SLC46A3: variants seen among roughly 807,000 people sequenced by gnomAD.
SLC46A3 encodes solute carrier family 46 member 3.
A neutral mutation model predicts 38.5 loss-of-function variants in SLC46A3; 26 were observed. That is an observed-to-expected ratio of 0.68 (90% CI 0.49 to 0.94). The LOEUF is 0.94. SLC46A3 is among the 40% of genes least tolerant of loss of function. The probability of loss-of-function intolerance (pLI) is 0.00; values close to 1 mark genes in which losing one functional copy is unlikely to be tolerated. For synonymous variants in SLC46A3, 185 were observed against 192.5 expected (o/e 0.96, Z 0.32); for missense variants, 510 against 544.3 (o/e 0.94, Z 0.63).
rs754953197 is a variant in SLC46A3, at chr13:28,717,980, C to A, written c.19G>T (p.Glu7Ter). The part of the protein sequence containing the change: MKILFV[E>*]PAIFLSAFAM... Reference sequence around the variant, plus strand: ...AATGCACTAAGGAAAATGGCAGGTTCTACAAATAAAATCTTCATATTGCCT... The same window carrying A: ...AATGCACTAAGGAAAATGGCAGGTTATACAAATAAAATCTTCATATTGCCT... The change falls in exon 2 of 6, where the codon GAA (glutamate) becomes TAA (stop). Residue 7 changes from glutamate to a stop codon, truncating the protein, a stop_gained. Coordinates refer to ENST00000266943, the MANE Select transcript of SLC46A3 (RefSeq NM_181785.4). LOFTEE classifies it high-confidence loss of function. 1 of 1,611,948 alleles carries A rather than the reference C, an allele frequency of 6.2e-7. No individual in the cohort carries two copies. The highest frequency in any genetic ancestry group is 1.1e-5 in the South Asian group (1 of 90,308).
In SLC46A3 at chr13:28,713,102, T is replaced by C. The variant is rs1566123382; in HGVS notation, c.638A>G (p.Tyr213Cys). ...TGGATCTCCGAGAAAAAATAAAATA[T>C]AGATCAAATTAACAGCAAGAGACAC... ...IAVSLAVNLI[Y>C]ILFFLGDPVK... is the part of the protein sequence containing the mutation. The change falls in exon 3 of 6, where the codon TAT becomes TGT. Residue 213 changes from tyrosine to cysteine, a missense_variant. By Grantham distance (194) the Tyr-to-Cys change is radical. Transcript: ENST00000266943. 1 of 1,612,056 alleles carries C rather than the reference T, an allele frequency of 6.2e-7. No homozygotes were observed. The highest frequency in any genetic ancestry group is 8.5e-7 in the Non-Finnish European group (1 of 1,179,602).
intron 5 of SLC46A3, among the ~76,000 whole-genome samples, chr13:28,703,043 G>C (rs185890322): frequency 6.6e-6 from 1 of 152,180 alleles, no homozygotes; most frequent in Admixed American, 6.5e-5. Flanking sequence ...CATTCATCTA[G>C]TTGGCTCACA....
intron 2 of SLC46A3, among the ~76,000 whole-genome samples, chr13:28,715,286 G>A (rs78292682): frequency 6.6e-6 from 1 of 152,170 alleles, no homozygotes; most frequent in African/African-American, 2.4e-5. Flanking sequence ...TTGAAAATTC[G>A]GCAAAAATCT....
Position 28,701,281 on chromosome 13 carries a change from C to G in SLC46A3, c.*216G>C. ...TATTTGAAATTTGTTCTGTGTATTG[C>G]AAGTATATTGCATGATACGCACAAA... On this transcript the variant is annotated 3_prime_UTR_variant, in exon 6 of 6. Coordinates refer to ENST00000266943, the MANE Select transcript of SLC46A3 (RefSeq NM_181785.4). The G allele has an allele frequency of 7.1e-7, 1 of 1,409,106 alleles. No individual in the cohort carries two copies. The highest frequency in any genetic ancestry group is 1.7e-5 in the South Asian group (1 of 58,918). The allele number at this position is 1,409,106 out of a possible 1,614,324, so 87.3% of individuals were successfully genotyped here.
chr13:28,715,531 AAAG>A (rs1885505168), intron 2 of SLC46A3, among the ~76,000 whole-genome samples: 1 of 152,262 alleles, frequency 6.6e-6, no homozygotes, highest in Non-Finnish European at 1.5e-5. Context: ...AGGTCAGCCA[AAAG>A]AAAGCACAGA....
chr13:28,717,939 G>T lies in SLC46A3; in HGVS notation c.60C>A (p.Thr20=). Residue 20 remains threonine, a synonymous_variant, in exon 2 of 6, where the codon ACC becomes ACA. Coordinates refer to ENST00000266943, the MANE Select transcript of SLC46A3 (RefSeq NM_181785.4). The part of the protein sequence containing the change: ...IFLSAFAMTL[T]GPLTTQYVYR... ...AAACATATTGCGTTGTCAGTGGACCGGTCAAAGTCATAGCAAATGCACTAA... is the reference window on the plus strand; with the variant it reads ...AAACATATTGCGTTGTCAGTGGACCTGTCAAAGTCATAGCAAATGCACTAA... 2 of 1,613,904 alleles carry T rather than the reference G, an allele frequency of 1.2e-6. No individual in the cohort carries two copies. Among genetic ancestry groups the T allele is most frequent in the Non-Finnish European group, 1.7e-6 (2 of 1,179,982 alleles).
At chr13:28,702,545 A>G (rs1213869593) in intron 5 of SLC46A3, among the ~76,000 whole-genome samples, 1 of 152,202 alleles carries the variant, frequency 6.6e-6, no homozygotes, top group Non-Finnish European at 1.5e-5. Flanking sequence ...GAATAGTACT[A>G]TTATCAACAA....
chr13:28,713,623 T>C (rs2092027978), intron 2 of SLC46A3, 73 bp from the exon 3 acceptor site: 1 of 1,449,384 alleles, frequency 6.9e-7, no homozygotes, highest in Non-Finnish European at 9.3e-7. Context: ...TCATGGTGCA[T>C]ATGCTTTTTT....
intron 2 of SLC46A3, among the ~76,000 whole-genome samples, chr13:28,716,018 T>C (rs1233520527): frequency 6.7e-6 from 1 of 148,714 alleles, no homozygotes; most frequent in Non-Finnish European, 1.5e-5. Flanking sequence ...CTGAGTGTAG[T>C]GGCACGTGCC....
chr13:28,706,664 G>C lies in SLC46A3; in HGVS notation c.1145-2565C>G, dbSNP rs192478235. ...TGGTCTCAAGTGATCCTCCCACCTC[G>C]GCCTCCCAAAGTGCTGGGATTACAG... On this transcript the variant is annotated intron_variant, in intron 4 of 5. Transcript: ENST00000266943. 3.2e-4 allele frequency among the ~76,000 whole-genome samples: 49 copies of C among 152,032 alleles called. No individual in the cohort carries two copies. In the East Asian group the frequency reaches 6.2e-3, roughly 19 times the overall value.
chr13:28,710,622 G>A (rs542210275), intron 4 of SLC46A3, 138 bp downstream of exon 4: 18 of 716,376 alleles, frequency 2.5e-5, no homozygotes, highest in South Asian at 2.3e-4. Flanking sequence ...TTCCCTCACA[G>A]AGCTTACCAC....
intron 3 of SLC46A3, among the ~76,000 whole-genome samples, 196 bp from the exon 4 acceptor site, chr13:28,711,039 G>C (rs1885326462): frequency 6.6e-6 from 1 of 152,106 alleles, no homozygotes; most frequent in Non-Finnish European, 1.5e-5. Context: ...TCAGTTTAAG[G>C]TTACTTTACT....
Position 28,713,389 on chromosome 13 carries a change from C to A in SLC46A3, c.351G>T (p.Trp117Cys). 1 of 1,614,000 alleles carries A rather than the reference C, an allele frequency of 6.2e-7. No individual in the cohort carries two copies. The highest frequency in any genetic ancestry group is 8.5e-7 in the Non-Finnish European group (1 of 1,180,002). Reference protein sequence around the residue: ...SSVGALATSVWLCLLCYFAFP... With the variant: ...SSVGALATSVCLCLLCYFAFP... ...AGGCAAAATAGCAAAGCAAACAGAGCCAAACGCTGGTTGCAAGAGCACCAA... is the reference window on the plus strand; with the variant it reads ...AGGCAAAATAGCAAAGCAAACAGAGACAAACGCTGGTTGCAAGAGCACCAA... The change falls in exon 3 of 6, where the codon TGG becomes TGT. Residue 117 changes from tryptophan to cysteine, a missense_variant. By Grantham distance (215) the Trp-to-Cys change is radical. Coordinates refer to ENST00000266943, the MANE Select transcript of SLC46A3 (RefSeq NM_181785.4).
Position 28,711,439 on chromosome 13 carries a change from C to A in SLC46A3, c.1061-596G>T, listed in dbSNP as rs868037017. On this transcript the variant is annotated intron_variant, in intron 3 of 5. Transcript: ENST00000266943. Reference sequence around the variant, plus strand: ...CTCCATCTCAAAGAAAAAAAAAAAACAAAAAAAAAAACTGATCTGCTTATT... The same window carrying A: ...CTCCATCTCAAAGAAAAAAAAAAAAAAAAAAAAAAAACTGATCTGCTTATT... 2.6e-3 allele frequency among the ~76,000 whole-genome samples: 359 copies of A among 140,076 alleles called. 1 individual carries two copies. Among genetic ancestry groups the A allele is most frequent in the African/African-American group, 6.6e-3 (254 of 38,324 alleles). 91.9% of individuals were successfully genotyped at this position (140,076 alleles called of 152,430 possible).
chr13:28,709,908 A>C (rs1885295686), intron 4 of SLC46A3, among the ~76,000 whole-genome samples: 1 of 152,230 alleles, frequency 6.6e-6, no homozygotes, highest in African/African-American at 2.4e-5. Context: ...ACTCTGAGTC[A>C]GGCCCAGCTG....
At chr13:28,705,108 T>C (rs1265587609) in intron 4 of SLC46A3, among the ~76,000 whole-genome samples, 1 of 152,268 alleles carries the variant, frequency 6.6e-6, no homozygotes, top group Non-Finnish European at 1.5e-5. Flanking sequence ...TAAAATTTCA[T>C]GACCATTTTC....
At chr13:28,708,752 C>T (rs1200788594) in intron 4 of SLC46A3, among the ~76,000 whole-genome samples, 1 of 151,572 alleles carries the variant, frequency 6.6e-6, no homozygotes, top group Admixed American at 6.6e-5. Flanking sequence ...TGAGCCACTG[C>T]GCCTGGCCTC....
intron 2 of SLC46A3, 104 bp from the exon 3 acceptor site, chr13:28,713,654 G>A: frequency 8.0e-6 from 9 of 1,123,858 alleles, no homozygotes; most frequent in Non-Finnish European, 1.1e-5. Flanking sequence ...AGTAGGTTAT[G>A]GGTGGGGAAT....
chr13:28,708,072 C>T (rs1885227756), intron 4 of SLC46A3, among the ~76,000 whole-genome samples: 1 of 152,182 alleles, frequency 6.6e-6, no homozygotes, highest in African/African-American at 2.4e-5. Flanking sequence ...ATTTTGTTTA[C>T]CCATTTGTCA....
Sources: gnomAD v4.1 joint callset for allele counts (sites outside exome capture counted in the v4.1 genomes callset) on GRCh38, gnomAD v4.1.1 for gene constraint, MANE v1.5 for transcripts, NCBI Gene and HGNC (gene_info 2026-07-23, HGNC 2026-07-21) for gene names.